The following PTPRD variants were observed in gnomAD, a reference collection of about 807,000 sequenced individuals.
PTPRD encodes protein tyrosine phosphatase receptor type D, also known as receptor-type tyrosine-protein phosphatase delta.
PTPRD carries 34 observed loss-of-function variants against 214.5 expected under a neutral mutation model. The ratio of observed to expected loss-of-function variants is 0.16; its 90% CI spans 0.12 to 0.21. The LOEUF (loss-of-function observed/expected upper bound fraction) is 0.21, where lower values mean the gene tolerates loss of function less well. Among genes scored for constraint, PTPRD ranks in the 10% least tolerant of loss-of-function variants. PTPRD has a pLI of 1.00. For missense variants in PTPRD, 2,545 were observed against 2,398.7 expected, an observed-to-expected ratio of 1.06 and a Z score of -1.27; for synonymous variants, 1,128 against 845.7, an observed-to-expected ratio of 1.33 and a Z score of -5.79.
At chr9:10,550,246 A>G (rs1384692974) in intron 2 of PTPRD, among the ~76,000 whole-genome samples, 1 of 152,216 alleles carries the variant, frequency 6.6e-6, no homozygotes, top group African/African-American at 2.4e-5. Flanking sequence ...ATTAACTGAC[A>G]AAATAAATCA....
Position 9,200,470 on chromosome 9 carries a change from G to A in PTPRD, c.-202-17107C>T, listed in dbSNP as rs2099941225. Among the ~76,000 whole-genome samples, 3 of 152,250 alleles carry A rather than the reference G, an allele frequency of 2.0e-5. No homozygotes were observed. The South Asian group carries it at 6.2e-4, about 32-fold the overall frequency. On this transcript the variant is annotated intron_variant, in intron 9 of 45. Coordinates refer to ENST00000381196, the MANE Select transcript of PTPRD (RefSeq NM_002839.4). ...GTTTACACTTGTTGGCTTCACCTAT[G>A]AGCAATATATTTTGTTGATATTTTA... is the stretch of plus-strand genomic sequence containing the variant.
In PTPRD at chr9:8,534,421, G is replaced by A. The variant is rs574425328; in HGVS notation, c.353-5642C>T. 1.4e-4 allele frequency among the ~76,000 whole-genome samples: 21 copies of A among 151,964 alleles called. No homozygotes were observed. The South Asian group carries it at 3.9e-3, about 28-fold the overall frequency. Reference sequence around the variant, plus strand: ...TTTTTTGTTGAGGCAAACACTGTGGGTCTTCCTTCACTGACAGGAATACAG... The same window carrying A: ...TTTTTTGTTGAGGCAAACACTGTGGATCTTCCTTCACTGACAGGAATACAG... On this transcript the variant is annotated intron_variant, in intron 14 of 45. Transcript: ENST00000381196.
chr9:9,269,088 A>G (rs1941603723), intron 9 of PTPRD, among the ~76,000 whole-genome samples: 1 of 151,216 alleles, frequency 6.6e-6, no homozygotes, highest in Non-Finnish European at 1.5e-5. Context: ...ACGGAATGGG[A>G]AAAAATATCT....
chr9:9,210,064 A>G (rs1351355593), intron 9 of PTPRD, among the ~76,000 whole-genome samples: 1 of 152,146 alleles, frequency 6.6e-6, no homozygotes, highest in Admixed American at 6.5e-5. Flanking sequence ...CCTTTGCCCC[A>G]GCGGAAAATG....
rs551094202 is a variant in PTPRD, at chr9:10,363,821, T to C, written c.-599-22804A>G. On this transcript the variant is annotated intron_variant, in intron 2 of 45. Transcript: ENST00000381196. ...ATTCCATTCATTTCACACATGTAGA[T>C]AGATGCTATGGAAAATTTTAAAGAA... is the stretch of plus-strand genomic sequence containing the variant. 4.6e-5 allele frequency among the ~76,000 whole-genome samples: 7 copies of C among 152,180 alleles called. No individual in the cohort carries two copies. The Middle Eastern group carries it at 0.01, about 222-fold the overall frequency.
At chr9:9,806,320 G>A (rs1024182654) in intron 5 of PTPRD, among the ~76,000 whole-genome samples, 4 of 152,202 alleles carry the variant, frequency 2.6e-5, no homozygotes, top group African/African-American at 9.6e-5. Flanking sequence ...CGTGAAGCTG[G>A]TGGTGATTTT....
intron 20 of PTPRD, among the ~76,000 whole-genome samples, chr9:8,520,824 T>TCTATTACTAGACTATGTTG (rs2097875036): frequency 6.6e-6 from 1 of 152,186 alleles, no homozygotes; most frequent in East Asian, 1.9e-4. Context: ...AGTTAAATCA[T>TCTATTACTAGACTATGTTG]CTATTACTAG....
intron 31 of PTPRD, among the ~76,000 whole-genome samples, chr9:8,470,161 T>C (rs1323951112): frequency 6.6e-6 from 1 of 152,136 alleles, no homozygotes; most frequent in Non-Finnish European, 1.5e-5. Flanking sequence ...AACAGCATCA[T>C]GTTAAAATAA....
intron 3 of PTPRD, among the ~76,000 whole-genome samples, chr9:10,278,033 G>C (rs991666986): frequency 6.6e-6 from 1 of 152,000 alleles, no homozygotes; most frequent in Non-Finnish European, 1.5e-5. Context: ...GGTGGCGGAC[G>C]CCTGTAGTCC....
intron 2 of PTPRD, among the ~76,000 whole-genome samples, chr9:10,541,821 A>T (rs1478217958): frequency 2.6e-5 from 4 of 152,000 alleles, no homozygotes; most frequent in African/African-American, 9.7e-5. Flanking sequence ...ACCCCTCCAA[A>T]ATGGGTTAAA....
At chr9:9,583,996 G>A (rs139706652) in intron 7 of PTPRD, among the ~76,000 whole-genome samples, 22 of 152,126 alleles carry the variant, frequency 1.4e-4, no homozygotes, top group African/African-American at 5.3e-4. Flanking sequence ...AGAGGCAGAA[G>A]CTAAGTATAC....
intron 12 of PTPRD, among the ~76,000 whole-genome samples, chr9:8,711,759 A>G (rs939300995): frequency 4.6e-5 from 7 of 152,218 alleles, no homozygotes; most frequent in African/African-American, 1.7e-4. Flanking sequence ...AGAGACTGAT[A>G]AAACGTATTT....
At chr9:10,312,494 G>A (rs2096293812) in intron 3 of PTPRD, among the ~76,000 whole-genome samples, 1 of 151,724 alleles carries the variant, frequency 6.6e-6, no homozygotes. Flanking sequence ...ACTCTAATAA[G>A]GTATTTTATA....
chr9:10,426,320 T>G (rs958271452), intron 2 of PTPRD, among the ~76,000 whole-genome samples: 2 of 152,042 alleles, frequency 1.3e-5, no homozygotes, highest in African/African-American at 4.8e-5. Context: ...TACTTTTTTT[T>G]CCTTTAATTG....
At chr9:9,871,016 A>G (rs1330227886) in intron 5 of PTPRD, among the ~76,000 whole-genome samples, 3 of 152,150 alleles carry the variant, frequency 2.0e-5, no homozygotes, top group African/African-American at 4.8e-5. Context: ...ATAAAAATTA[A>G]GAGATGTATT....
chr9:9,847,365 C>G (rs959372500), intron 5 of PTPRD, among the ~76,000 whole-genome samples: 1 of 152,154 alleles, frequency 6.6e-6, no homozygotes, highest in African/African-American at 2.4e-5. Context: ...GTACCATCTG[C>G]AGGATTTCAA....
chr9:9,312,901 C>A (rs1274312023), intron 9 of PTPRD, among the ~76,000 whole-genome samples: 1 of 152,180 alleles, frequency 6.6e-6, no homozygotes, highest in Non-Finnish European at 1.5e-5. Flanking sequence ...CGCAGGACAT[C>A]CTCACAAGTT....
At chr9:8,920,128 C>G (rs866252185) in intron 11 of PTPRD, among the ~76,000 whole-genome samples, 2 of 152,008 alleles carry the variant, frequency 1.3e-5, no homozygotes, top group Admixed American at 6.6e-5. Flanking sequence ...ATTGCCTGAG[C>G]TGAGGAGTGT....
At chr9:8,363,349 C>G (rs894641390) in intron 39 of PTPRD, among the ~76,000 whole-genome samples, 5 of 152,118 alleles carry the variant, frequency 3.3e-5, no homozygotes. Flanking sequence ...AAGGAGGAGC[C>G]TTACCGCAGT....
Sources: gnomAD v4.1 joint callset for allele counts (sites outside exome capture counted in the v4.1 genomes callset) on GRCh38, gnomAD v4.1.1 for gene constraint, MANE v1.5 for transcripts, NCBI Gene and HGNC (gene_info 2026-07-23, HGNC 2026-07-21) for gene names.